Variants in CPE observed in about 807,000 individuals in gnomAD.
CPE encodes the protein carbocypeptidase E.
Under a neutral mutation model 53.5 loss-of-function variants are expected in CPE, and 17 were observed. The ratio of observed to expected loss-of-function variants is 0.32; its 90% confidence interval spans 0.22 to 0.48. CPE has a LOEUF of 0.48. Among genes scored for constraint, CPE ranks in the 20% least tolerant of loss-of-function variants. The probability of loss-of-function intolerance (pLI) is 0.99; values close to 1 mark genes in which losing one functional copy is unlikely to be tolerated. For missense variants in CPE, 524 were observed against 614.7 expected (o/e 0.85, Z 1.56); for synonymous variants, 226 against 228.8 (o/e 0.99, Z 0.11).
At chr4:165,406,614 A>G (rs2126665135) in intron 1 of CPE, among the ~76,000 whole-genome samples, 1 of 152,318 alleles carries the variant, frequency 6.6e-6, no homozygotes, top group East Asian at 1.9e-4. Flanking sequence ...TTCACATACC[A>G]AATAGTTCAC....
chr4:165,446,191 T>G (rs1731711015), intron 1 of CPE, among the ~76,000 whole-genome samples: 1 of 151,864 alleles, frequency 6.6e-6, no homozygotes, highest in South Asian at 2.1e-4. Flanking sequence ...ACAGGAAAAA[T>G]CCATAAGCCA....
intron 1 of CPE, among the ~76,000 whole-genome samples, chr4:165,460,520 G>C (rs1424424740): frequency 2.6e-5 from 4 of 152,092 alleles, no homozygotes; most frequent in African/African-American, 4.8e-5. Context: ...CTGTTGGCTA[G>C]AGCAATGAGC....
chr4:165,405,638 C>T, intron 1 of CPE: 2 of 780,516 alleles, frequency 2.6e-6, no homozygotes, highest in Non-Finnish European at 4.7e-6. Context: ...AAAGTAATTG[C>T]AACTTCTTCT....
At position 165,484,440 on chromosome 4, in the gene CPE, G is replaced by A. The variant is rs145229675; in HGVS notation, c.809G>A (p.Ser270Asn). The A allele has an allele frequency of 6.2e-7, 1 of 1,613,890 alleles. No homozygotes were observed. Among genetic ancestry groups the A allele is most frequent in the African/African-American group, 1.3e-5 (1 of 75,014 alleles). Reference protein sequence around the residue: ...ETRSGSAHEYSSSPDDAIFQS... With the variant: ...ETRSGSAHEYNSSPDDAIFQS... ...TTTCTAGGTAGTGCTCACGAATACA[G>A]CTCCTCCCCAGATGACGCCATTTTC... The change falls in exon 5 of 9, where the codon AGC (serine) becomes AAC (asparagine). Residue 270 changes from serine (S) to asparagine (N), a missense_variant. Coordinates refer to ENST00000402744, the MANE Select transcript of CPE (RefSeq NM_001873.4).
chr4:165,483,035 T>G (rs1732442690), intron 4 of CPE, among the ~76,000 whole-genome samples: 1 of 151,858 alleles, frequency 6.6e-6, no homozygotes, highest in Non-Finnish European at 1.5e-5. Flanking sequence ...TCGGGGTACC[T>G]GTGTAGGTTT....
intron 1 of CPE, among the ~76,000 whole-genome samples, chr4:165,400,205 A>G (rs1311885191): frequency 1.3e-5 from 2 of 152,210 alleles, no homozygotes; most frequent in African/African-American, 4.8e-5. Flanking sequence ...TATGGCCAGC[A>G]GTTTGAAATG....
At chr4:165,465,569 A>G (rs1732082217) in intron 2 of CPE, among the ~76,000 whole-genome samples, 1 of 152,170 alleles carries the variant, frequency 6.6e-6, no homozygotes. Context: ...TGGGAAATAT[A>G]TCTATATCAT....
intron 1 of CPE, among the ~76,000 whole-genome samples, chr4:165,382,631 A>G (rs1730520987): frequency 2.0e-5 from 3 of 152,214 alleles, no homozygotes; most frequent in African/African-American, 7.2e-5. Context: ...AAGAAAATAC[A>G]ACAACATACC....
At chr4:165,424,776 C>A (rs77522749) in intron 1 of CPE, among the ~76,000 whole-genome samples, 44,777 of 151,778 alleles carry the variant, frequency 0.3, 6,662 homozygotes, top group Middle Eastern at 0.39. Context: ...CCTCGTGATC[C>A]ACCTGCCTCG....
intron 1 of CPE, chr4:165,404,223 G>A (rs926604079): frequency 5.3e-6 from 4 of 761,442 alleles, no homozygotes; most frequent in Admixed American, 3.5e-5. Context: ...CCAAGACAAG[G>A]TGGGAAGCTG....
chr4:165,482,136 T>C, intron 3 of CPE, 106 bp from the exon 4 acceptor site: 1 of 565,370 alleles, frequency 1.8e-6, no homozygotes. Flanking sequence ...AGTTGAAATA[T>C]GACCAGCTTT....
At chr4:165,381,420 C>A in intron 1 of CPE, 1 of 431,912 alleles carries the variant, frequency 2.3e-6, no homozygotes, top group Non-Finnish European at 4.6e-6. Context: ...ATGAATCCAT[C>A]AATAGCTGCA....
At chr4:165,417,715 A>G (rs781246671) in intron 1 of CPE, among the ~76,000 whole-genome samples, 2 of 151,964 alleles carry the variant, frequency 1.3e-5, no homozygotes, top group Admixed American at 6.6e-5. Context: ...TTACTCATCC[A>G]AAAGTGTCTA....
chr4:165,420,666 A>C (rs1007369368), intron 1 of CPE, among the ~76,000 whole-genome samples: 13 of 152,106 alleles, frequency 8.5e-5, no homozygotes, highest in African/African-American at 2.9e-4. Flanking sequence ...ATAATTGAAT[A>C]GTAGAGAATT....
chr4:165,383,791 T>A (rs1730541774), intron 1 of CPE, among the ~76,000 whole-genome samples: 1 of 152,346 alleles, frequency 6.6e-6, no homozygotes, highest in South Asian at 2.1e-4. Flanking sequence ...TATGTGTTAG[T>A]GGCAAATGGT....
In CPE at chr4:165,389,405, T is replaced by C. The variant is rs113343810; in HGVS notation, c.307+9877T>C. On this transcript the variant is annotated intron_variant, in intron 1 of 8. Transcript: ENST00000402744. ...AGAGTTTTTTCTTTAATCTGAGAGG[T>C]TGGTTCTTGTAAAAAATATGATTTC... Among the ~76,000 whole-genome samples the C allele has an allele frequency of 6.3e-3, 967 of 152,314 alleles. 11 individuals are homozygous for C. Among genetic ancestry groups the C allele is most frequent in the African/African-American group, 0.022 (895 of 41,576 alleles).
intron 3 of CPE, among the ~76,000 whole-genome samples, chr4:165,468,942 C>T (rs866517756): frequency 6.6e-5 from 10 of 152,162 alleles, no homozygotes; most frequent in African/African-American, 2.4e-4. Context: ...TTCATACTTG[C>T]TGTGTGAACT....
chr4:165,404,305 C>G (rs1443934703), intron 1 of CPE: 1 of 771,520 alleles, frequency 1.3e-6, no homozygotes, highest in Non-Finnish European at 2.4e-6. Flanking sequence ...ACGTGACTGC[C>G]TCATTCACAA....
intron 2 of CPE, among the ~76,000 whole-genome samples, chr4:165,466,264 G>A (rs895991219): frequency 6.6e-6 from 1 of 152,102 alleles, no homozygotes; most frequent in Admixed American, 6.5e-5. Flanking sequence ...AACTATTTGT[G>A]TATCTAAACA....
Sources: gnomAD v4.1 joint callset for allele counts (sites outside exome capture counted in the v4.1 genomes callset) on GRCh38, gnomAD v4.1.1 for gene constraint, MANE v1.5 for transcripts, NCBI Gene and HGNC (gene_info 2026-07-23, HGNC 2026-07-21) for gene names.